Variants in LRP1 observed in about 807,000 individuals in gnomAD.
The protein encoded by LRP1 is LDL receptor related protein 1.
A neutral mutation model predicts 541.5 loss-of-function variants in LRP1; 51 were observed. That is an observed-to-expected ratio of 0.09 (90% CI 0.08 to 0.12). The LOEUF (loss-of-function observed/expected upper bound fraction) is 0.12, where lower values mean the gene tolerates loss of function less well. Among genes scored for constraint, LRP1 ranks in the 10% least tolerant of loss-of-function variants. The pLI, the probability that LRP1 is intolerant of heterozygous loss-of-function variation, is 1.00. For synonymous variants in LRP1, 2,219 were observed against 2,470.8 expected (o/e 0.90, Z 3.02); for missense variants, 3,878 against 6,376.2 (o/e 0.61, Z 13.34).
intron 44 of LRP1, among the ~76,000 whole-genome samples, chr12:57,192,469 G>A (rs2036434064): frequency 6.6e-6 from 1 of 152,090 alleles, no homozygotes; most frequent in African/African-American, 2.4e-5. Context: ...CAGTGGGCAC[G>A]AGTACATGCC....
Position 57,212,395 on chromosome 12 carries a change from AACCCTCTGTC to A in LRP1, c.13495-14_13495-5del, listed in dbSNP as rs2036937292. ...AGGCCCAGCTCCTGAGCCCTACCTGAACCCTCTGTCACCCTGCAGCCCACCAACTTCACCA... is the reference window on the plus strand; with the variant it reads ...AGGCCCAGCTCCTGAGCCCTACCTGAACCCTGCAGCCCACCAACTTCACCA... On this transcript the variant is annotated splice_polypyrimidine_tract_variant and intron_variant, in intron 88 of 88. Transcript: ENST00000243077. The surrounding 1 kb of genome is among the most constrained non-coding windows in gnomAD (Gnocchi z 5.0). 1 of 1,613,838 alleles carries A rather than the reference AACCCTCTGTC, an allele frequency of 6.2e-7. No individual in the cohort carries two copies. Among genetic ancestry groups the A allele is most frequent in the African/African-American group, 1.3e-5 (1 of 74,892 alleles).
chr12:57,148,332 G>T (rs1215725888), intron 6 of LRP1, among the ~76,000 whole-genome samples: 1 of 152,132 alleles, frequency 6.6e-6, no homozygotes. Context: ...CTGTACATAA[G>T]CATGGTAGAC....
chr12:57,184,345 T>C lies in LRP1; in HGVS notation c.6079T>C (p.Trp2027Arg), dbSNP rs1293105822. 6.2e-7 allele frequency: 1 copy of C among 1,613,908 alleles called. No homozygotes were observed. Among genetic ancestry groups the C allele is most frequent in the East Asian group, 2.2e-5 (1 of 44,874 alleles). ...CTACAGGTACTTGTTCTGGACTGAG[T>C]GGGGTCAGTATCCGCGTATTGAGCG... is the stretch of plus-strand genomic sequence containing the variant. ...PEKGYLFWTE[W>R]GQYPRIERSR... is the part of the protein sequence containing the mutation. Residue 2027 changes from tryptophan (W) to arginine (R), a missense_variant, in exon 38 of 89, where the codon TGG becomes CGG. Transcript: ENST00000243077. This position sits in a 1 kb window ranked among gnomAD's most constrained non-coding sequence, Gnocchi z 7.8.
At position 57,128,606 on chromosome 12, in the gene LRP1, C is replaced by G. The variant is rs2034963812; in HGVS notation, c.-359C>G. ...GCTCCCCTACCCGGTCCACGCCCCC[C>G]ACCCCCCCTCCCCGCCTCCTCCCAA... On this transcript the variant is annotated 5_prime_UTR_variant, in exon 1 of 89. Coordinates refer to ENST00000243077, the MANE Select transcript of LRP1 (RefSeq NM_002332.3). 2 of 416,042 alleles carry G rather than the reference C, an allele frequency of 4.8e-6. No individual in the cohort carries two copies. The highest frequency in any genetic ancestry group is 2.0e-5 in the African/African-American group (1 of 49,250). The allele number at this position is 416,042 out of a possible 1,614,324, so 25.8% of individuals were successfully genotyped here. A position where few individuals can be genotyped will look rare whatever the true frequency, so the allele number is the denominator to read the frequency against.
At position 57,199,863 on chromosome 12, in the gene LRP1, G is replaced by A. The variant is rs568556977; in HGVS notation, c.9866-14G>A. 5.7e-6 allele frequency: 9 copies of A among 1,577,472 alleles called. No homozygotes were observed. The highest frequency in any genetic ancestry group is 4.7e-5 in the South Asian group (4 of 85,706). On this transcript the variant is annotated splice_polypyrimidine_tract_variant and intron_variant, in intron 61 of 88. Coordinates refer to ENST00000243077, the MANE Select transcript of LRP1 (RefSeq NM_002332.3). ...AGAAAATGTCACCATATTTCACGAC[G>A]TTTTCTCTGGCAGTGCCCAATCACC... is the stretch of plus-strand genomic sequence containing the variant.
rs377733290 is a variant in LRP1, at chr12:57,141,394, C to A, written c.211C>A (p.Arg71=). 4.0e-5 allele frequency: 64 copies of A among 1,614,024 alleles called. No homozygotes were observed. The Middle Eastern group carries it at 4.9e-4, about 12-fold the overall frequency. The change falls in exon 3 of 89, where the codon CGA becomes AGA. Residue 71 remains arginine (R), a synonymous_variant. Coordinates refer to ENST00000243077, the MANE Select transcript of LRP1 (RefSeq NM_002332.3). ...CTCAGGTCCACAGAGTAAGGCCCAG[C>A]GATGCCAGCCAAACGAGCATAACTG... ...PEICPQSKAQ[R]CQPNEHNCLG... is the part of the protein sequence containing the mutation.
chr12:57,181,128 C>T (rs2036156728), intron 33 of LRP1, 29 bp from the exon 34 acceptor site: 2 of 1,606,630 alleles, frequency 1.2e-6, no homozygotes, highest in African/African-American at 2.7e-5. Flanking sequence ...CCACCTAACC[C>T]TTTCCCTCTG....
At position 57,200,876 on chromosome 12, in the gene LRP1, G is replaced by C. The variant is rs569481832; in HGVS notation, c.10225+61G>C. ...AGCATCTTCCCTGCCCCAGGATTTG[G>C]GGCTTTCAAGTGCAGGGAAGTTGCA... On this transcript the variant is annotated intron_variant, in intron 64 of 88. Transcript: ENST00000243077. 6.6e-6 allele frequency: 10 copies of C among 1,526,030 alleles called. No homozygotes were observed. In the East Asian group the frequency reaches 2.3e-4, roughly 36 times the overall value. 94.5% of individuals were successfully genotyped at this position (1,526,030 alleles called of 1,614,324 possible). A position where few individuals can be genotyped will look rare whatever the true frequency, so the allele number is the denominator to read the frequency against.
chr12:57,169,346 G>A (rs2035900425), intron 20 of LRP1, 39 bp downstream of exon 20: 2 of 1,554,896 alleles, frequency 1.3e-6, no homozygotes, highest in African/African-American at 1.4e-5. Context: ...ATGAGATCGA[G>A]CCCCCTGCAT....
chr12:57,157,139 T>C (rs1215608580), intron 10 of LRP1, among the ~76,000 whole-genome samples: 1 of 152,190 alleles, frequency 6.6e-6, no homozygotes, highest in Non-Finnish European at 1.5e-5. Context: ...CTAAACTGAT[T>C]CATTCAGCAA....
At chr12:57,198,786 C>A in intron 60 of LRP1, 116 bp downstream of exon 60, 1 of 1,000,250 alleles carries the variant, frequency 1.0e-6, no homozygotes, top group Non-Finnish European at 1.5e-6. Context: ...GAGGATATGG[C>A]CTGAGGACAC....
Position 57,197,232 on chromosome 12 carries a change from C to A in LRP1, c.9076+67C>A. On this transcript the variant is annotated intron_variant, in intron 56 of 88. Transcript: ENST00000243077. This position sits in a 1 kb window ranked among gnomAD's most constrained non-coding sequence, Gnocchi z 4.5. Reference sequence around the variant, plus strand: ...GTGGGACTGCCCGGGTGGCAGAGCTCCAGACAGGCAGGAGACCAGGGCCGC... The same window carrying A: ...GTGGGACTGCCCGGGTGGCAGAGCTACAGACAGGCAGGAGACCAGGGCCGC... 2 of 1,612,834 alleles carry A rather than the reference C, an allele frequency of 1.2e-6. No individual in the cohort carries two copies. Among genetic ancestry groups the A allele is most frequent in the South Asian group, 2.2e-5 (2 of 91,048 alleles).
At chr12:57,172,652 C>T (rs559259447) in intron 20 of LRP1, among the ~76,000 whole-genome samples, 2 of 152,298 alleles carry the variant, frequency 1.3e-5, no homozygotes, top group East Asian at 1.9e-4. Flanking sequence ...GACAGATCAC[C>T]CCCATCCCTC....
chr12:57,150,046 T>A (rs771775852), intron 6 of LRP1: 4 of 406,722 alleles, frequency 9.8e-6, no homozygotes, highest in Non-Finnish European at 1.8e-5. Context: ...AAATATTTGT[T>A]CAATGGATCA....
chr12:57,181,442 A>G (rs776584774), intron 34 of LRP1, 151 bp downstream of exon 34: 3 of 974,364 alleles, frequency 3.1e-6, no homozygotes, highest in East Asian at 2.7e-5. Context: ...ATGACTCTCC[A>G]GTGCCTCCAG....
rs767370591 is a variant in LRP1 at position 57,210,132 on chromosome 12, A to T, written c.12543A>T (p.Thr4181=). The T allele has an allele frequency of 1.2e-6, 2 of 1,612,322 alleles. No homozygotes were observed. Among genetic ancestry groups the T allele is most frequent in the Admixed American group, 1.7e-5 (1 of 59,878 alleles). The stretch of plus-strand genomic sequence containing the variant: ...ATGGGAAGCGGCTGGACAACGGCAC[A>T]TGCGTGCCTGTGCCCTCTCCAACGC... ...CPNGKRLDNG[T]CVPVPSPTPP... The change falls in exon 81 of 89, where the codon ACA becomes ACT. Residue 4181 remains threonine (T), a synonymous_variant. Transcript: ENST00000243077.
Position 57,179,952 on chromosome 12 carries a change from C to A in LRP1, c.5137C>A (p.Arg1713Ser), listed in dbSNP as rs765852423. The A allele has an allele frequency of 1.1e-5, 18 of 1,614,016 alleles. No individual in the cohort carries two copies. The highest frequency in any genetic ancestry group is 1.4e-5 in the Non-Finnish European group (16 of 1,179,974). ...CCATGGCCTTGTCGTCCACCCTCTG[C>A]GTGGGTCAGTCTAGGGCCCAGGGCC... ...QPHGLVVHPL[R>S]GKLYWTDGDN... The change falls in exon 30 of 89, where the codon CGT (arginine) becomes AGT (serine). Residue 1713 changes from arginine (R) to serine (S), a missense_variant. Physicochemically the swap from Arg to Ser is moderately radical, Grantham distance 110 (BLOSUM62 -1). Around this residue, in one of 13 missense-constraint regions of LRP1, gnomAD observed 394 missense variants for 635.9 expected, o/e 0.62. Transcript: ENST00000243077. The surrounding 1 kb of genome is among the most constrained non-coding windows in gnomAD (Gnocchi z 6.8).
intron 22 of LRP1, 116 bp from the exon 23 acceptor site, chr12:57,175,344 G>T (rs2036021217): frequency 8.1e-7 from 1 of 1,233,858 alleles, no homozygotes; most frequent in African/African-American, 1.5e-5. Flanking sequence ...TGGGGCCGTG[G>T]GCAGGGCACA....
Position 57,201,180 on chromosome 12 carries a change from G to C in LRP1, c.10345+27G>C, listed in dbSNP as rs200318678. The C allele has an allele frequency of 2.2e-4, 358 of 1,612,250 alleles. No individual in the cohort carries two copies. The highest frequency in any genetic ancestry group is 4.0e-4 in the Admixed American group (24 of 59,976). On this transcript the variant is annotated intron_variant, in intron 65 of 88. Transcript: ENST00000243077. This position sits in a 1 kb window ranked among gnomAD's most constrained non-coding sequence, Gnocchi z 6.4. ...TGAGTGTCAGAGGTGGTGGTGGGCCGGTGGTGGGAGATGACACGGAAGCAG... is the reference window on the plus strand; with the variant it reads ...TGAGTGTCAGAGGTGGTGGTGGGCCCGTGGTGGGAGATGACACGGAAGCAG...
Sources: allele counts gnomAD v4.1 joint callset (sites outside exome capture counted in the v4.1 genomes callset), GRCh38; gene constraint gnomAD v4.1.1; regional missense constraint gnomAD v4.1.1; non-coding constraint Gnocchi (gnomAD v3.1); transcripts MANE v1.5; gene names NCBI Gene and HGNC (gene_info 2026-07-23, HGNC 2026-07-21).